Variants in SNX7 observed in about 807,000 individuals in gnomAD.
The protein encoded by SNX7 is sorting nexin 7.
In SNX7, 35 loss-of-function variants were observed where a neutral mutation model predicts 48.4. The ratio of observed to expected loss-of-function variants is 0.72; its 90% confidence interval spans 0.55 to 0.96. The LOEUF is 0.96. Ranked by LOEUF, SNX7 falls within the 40% of genes least tolerant of loss-of-function variation. The pLI is 0.00. For missense variants in SNX7, 553 were observed against 548.9 expected, an observed-to-expected ratio of 1.01 and a Z score of -0.07; for synonymous variants, 190 against 190.2, an observed-to-expected ratio of 1.00 and a Z score of 0.01.
chr1:98,705,258 G>A (rs574802350), intron 7 of SNX7, among the ~76,000 whole-genome samples: 4 of 152,152 alleles, frequency 2.6e-5, no homozygotes, highest in South Asian at 2.1e-4. Flanking sequence ...AAAGACATTC[G>A]GAATATTCAT....
At chr1:98,662,958 G>T in intron 1 of SNX7, 1 of 703,314 alleles carries the variant, frequency 1.4e-6, no homozygotes, top group South Asian at 1.9e-5. Flanking sequence ...GATAGGCCCA[G>T]GTTTGTATTC....
intron 7 of SNX7, among the ~76,000 whole-genome samples, chr1:98,730,893 C>T (rs1460906163): frequency 1.3e-5 from 2 of 152,080 alleles, no homozygotes; most frequent in Non-Finnish European, 2.9e-5. Flanking sequence ...CCTCAGCAAA[C>T]TAACACAGGA....
chr1:98,708,568 GT>G (rs1652135638), intron 7 of SNX7, among the ~76,000 whole-genome samples: 1 of 152,054 alleles, frequency 6.6e-6, no homozygotes, highest in Admixed American at 6.6e-5. Context: ...GTGCAGCAGG[GT>G]AGTGGGTTTG....
At chr1:98,747,861 T>C (rs1337464707) in intron 8 of SNX7, among the ~76,000 whole-genome samples, 2 of 152,150 alleles carry the variant, frequency 1.3e-5, no homozygotes, top group Non-Finnish European at 2.9e-5. Context: ...TTAAGTGTGA[T>C]TTCTGTTCTG....
intron 1 of SNX7, among the ~76,000 whole-genome samples, chr1:98,675,133 T>G (rs906186021): frequency 6.6e-6 from 1 of 152,190 alleles, no homozygotes; most frequent in African/African-American, 2.4e-5. Flanking sequence ...AAGAACAAAT[T>G]TTATTGATCC....
In SNX7 at chr1:98,661,982, G is replaced by A. The variant is rs1030205815; in HGVS notation, c.180+71G>A. On this transcript the variant is annotated intron_variant, in intron 1 of 8. Coordinates refer to ENST00000306121, the MANE Select transcript of SNX7 (RefSeq NM_015976.5). The stretch of plus-strand genomic sequence containing the variant: ...CGGGCGTTGCCAGCATTGCGCCGAC[G>A]GCTGCCTCTGGCGCGCTTGCCCTCC... The A allele has an allele frequency of 6.5e-6, 8 of 1,234,750 alleles. No individual in the cohort carries two copies. The African/African-American group carries it at 1.2e-4, about 19-fold the overall frequency. 76.5% of individuals were successfully genotyped at this position (1,234,750 alleles called of 1,614,324 possible). A position where few individuals can be genotyped will look rare whatever the true frequency, so the allele number is the denominator to read the frequency against.
intron 7 of SNX7, among the ~76,000 whole-genome samples, chr1:98,711,619 A>C (rs1232213466): frequency 6.6e-6 from 1 of 152,224 alleles, no homozygotes; most frequent in Non-Finnish European, 1.5e-5. Context: ...GCTAATGATC[A>C]TATGAGCCTT....
chr1:98,754,085 A>T (rs1381961107), intron 8 of SNX7, among the ~76,000 whole-genome samples: 3 of 151,810 alleles, frequency 2.0e-5, no homozygotes, highest in Non-Finnish European at 4.4e-5. Context: ...TTGCTGAGAA[A>T]TTTTTTTTAA....
chr1:98,696,978 A>G (rs1214920911), intron 5 of SNX7, among the ~76,000 whole-genome samples: 1 of 152,100 alleles, frequency 6.6e-6, no homozygotes. Flanking sequence ...AGCTAACTAA[A>G]TGTTTGCATA....
At position 98,691,534 on chromosome 1, in the gene SNX7, G is replaced by T; in HGVS notation, c.475-1G>T. On this transcript the variant is annotated splice_acceptor_variant, in intron 3 of 8. Transcript: ENST00000306121. LOFTEE classifies it high-confidence loss of function. ...TACCTTTTTAATTTTTTTTGCCTTA[G>T]CCATTGCCAGAAAAGTTTATAGTAA... 1 of 1,569,160 alleles carries T rather than the reference G, an allele frequency of 6.4e-7. No homozygotes were observed. Among genetic ancestry groups the T allele is most frequent in the Non-Finnish European group, 8.6e-7 (1 of 1,162,108 alleles).
At chr1:98,740,461 C>G (rs913794578) in intron 8 of SNX7, among the ~76,000 whole-genome samples, 6 of 152,062 alleles carry the variant, frequency 3.9e-5, no homozygotes, top group Admixed American at 3.3e-4. Context: ...TAAATGATTA[C>G]AAAACCTAAG....
intron 8 of SNX7, among the ~76,000 whole-genome samples, chr1:98,753,590 T>G (rs1035930875): frequency 2.0e-4 from 31 of 152,108 alleles, no homozygotes; most frequent in Admixed American, 1.5e-3. Context: ...GAAGTTTATT[T>G]AAATGATAGT....
chr1:98,682,143 CCTT>C (rs1650537591), intron 1 of SNX7, among the ~76,000 whole-genome samples: 3 of 149,948 alleles, frequency 2.0e-5, no homozygotes, highest in African/African-American at 7.3e-5. Flanking sequence ...TTCTCTCTCA[CCTT>C]CTCTGTTTCC....
Position 98,700,906 on chromosome 1 carries a change from C to T in SNX7, c.1039-911C>T, listed in dbSNP as rs1488896037. On this transcript the variant is annotated intron_variant, in intron 6 of 8. Transcript: ENST00000306121. The stretch of plus-strand genomic sequence containing the variant: ...AGGCCCTTCTCTTTTATGTCCTGTA[C>T]TTCTCTAGCTGGTTGAATTGTTTGC... 9.9e-5 allele frequency among the ~76,000 whole-genome samples: 15 copies of T among 152,060 alleles called. No homozygotes were observed. The East Asian group carries it at 2.9e-3, about 29-fold the overall frequency.
At position 98,744,538 on chromosome 1, in the gene SNX7, A is replaced by C. The variant is rs569438380; in HGVS notation, c.1278+6149A>C. Among the ~76,000 whole-genome samples, 6 of 152,130 alleles carry C rather than the reference A, an allele frequency of 3.9e-5. No homozygotes were observed. The South Asian group carries it at 1.2e-3, about 32-fold the overall frequency. ...AGGTATGAGGAGCATCTCTGGAAGC[A>C]AGAAAATTAGGAATTAATATGTTAC... is the stretch of plus-strand genomic sequence containing the variant. On this transcript the variant is annotated intron_variant, in intron 8 of 8. Transcript: ENST00000306121.
Position 98,661,876 on chromosome 1 carries a change from G to A in SNX7, c.145G>A (p.Asp49Asn). 4.0e-6 allele frequency: 5 copies of A among 1,247,044 alleles called. No individual in the cohort carries two copies. The highest frequency in any genetic ancestry group is 4.1e-6 in the Non-Finnish European group (4 of 987,370). The allele number at this position is 1,247,044 out of a possible 1,614,324, so 77.2% of individuals were successfully genotyped here. The stretch of plus-strand genomic sequence containing the variant: ...GCTGCAGGCGGAGGTGCTGGATCTG[G>A]ACGAGGACGAGGACGACCTGGAGGT... Reference protein sequence around the residue: ...ALLQAEVLDLDEDEDDLEVFS... With the variant: ...ALLQAEVLDLNEDEDDLEVFS... The change falls in exon 1 of 9, where the codon GAC becomes AAC. Residue 49 changes from aspartate (D) to asparagine (N), a missense_variant. Coordinates refer to ENST00000306121, the MANE Select transcript of SNX7 (RefSeq NM_015976.5).
chr1:98,707,193 T>A (rs890520483), intron 7 of SNX7, among the ~76,000 whole-genome samples: 1 of 152,178 alleles, frequency 6.6e-6, no homozygotes, highest in African/African-American at 2.4e-5. Context: ...GATGTAGCTT[T>A]GTCTGGTGAT....
intron 5 of SNX7, among the ~76,000 whole-genome samples, chr1:98,697,119 C>G (rs904314758): frequency 1.3e-5 from 2 of 151,888 alleles, no homozygotes; most frequent in Admixed American, 6.6e-5. Context: ...TGAGATTTCT[C>G]AATTGACTCA....
chr1:98,741,367 A>G (rs909308340), intron 8 of SNX7, among the ~76,000 whole-genome samples: 1 of 152,178 alleles, frequency 6.6e-6, no homozygotes, highest in African/African-American at 2.4e-5. Flanking sequence ...ATATTGTGCA[A>G]TAATTGTGTC....
Sources: gnomAD v4.1 joint callset for allele counts (sites outside exome capture counted in the v4.1 genomes callset) on GRCh38, gnomAD v4.1.1 for gene constraint, MANE v1.5 for transcripts, NCBI Gene and HGNC (gene_info 2026-07-23, HGNC 2026-07-21) for gene names.